Variants in CCAR1 observed in about 807,000 individuals in gnomAD.
CCAR1 encodes the protein cell division cycle and apoptosis regulator protein 1.
Under a neutral mutation model 163.8 loss-of-function variants are expected in CCAR1, and 78 were observed. That is an observed-to-expected ratio of 0.48 (90% CI 0.40 to 0.57). The LOEUF is 0.57. CCAR1 is among the 20% of genes least tolerant of loss of function. The pLI is 0.00. For synonymous variants in CCAR1, 443 were observed against 460.7 expected, an observed-to-expected ratio of 0.96 and a Z score of 0.49; for missense variants, 1,019 against 1,365.2, an observed-to-expected ratio of 0.75 and a Z score of 4.00.
At chr10:68,760,769 C>T (rs557871819) in intron 15 of CCAR1, 20 of 257,574 alleles carry the variant, frequency 7.8e-5, no homozygotes, top group African/African-American at 4.5e-4. Flanking sequence ...GGGGCTGAGA[C>T]AGGAGAATTG....
chr10:68,736,078 C>G (rs1589156820), intron 2 of CCAR1, among the ~76,000 whole-genome samples: 1 of 152,136 alleles, frequency 6.6e-6, no homozygotes, highest in Non-Finnish European at 1.5e-5. Context: ...GTCTCGAACT[C>G]TTGACCTCAG....
At chr10:68,783,000 C>CTT (rs34366966) in intron 19 of CCAR1, among the ~76,000 whole-genome samples, 5 of 92,424 alleles carry the variant, frequency 5.4e-5, no homozygotes, top group African/African-American at 2.1e-4. Context: ...TCACTTTACT[C>CTT]TTTTTTTTTT....
At chr10:68,778,643 A>G (rs979112417) in intron 19 of CCAR1, among the ~76,000 whole-genome samples, 1 of 152,178 alleles carries the variant, frequency 6.6e-6, no homozygotes, top group Non-Finnish European at 1.5e-5. Flanking sequence ...TGTAAGAAAA[A>G]GAGATTTTTA....
chr10:68,762,696 A>G (rs2133381008), intron 16 of CCAR1, among the ~76,000 whole-genome samples: 2 of 152,284 alleles, frequency 1.3e-5, no homozygotes, highest in Middle Eastern at 6.8e-3. Flanking sequence ...TTTGCTCTAA[A>G]TCTGATTGTG....
chr10:68,726,018 C>T (rs968586154), intron 2 of CCAR1, among the ~76,000 whole-genome samples: 1 of 149,112 alleles, frequency 6.7e-6, no homozygotes, highest in Non-Finnish European at 1.5e-5. Context: ...GAGGCTGAGG[C>T]GTGAAGATCG....
chr10:68,731,600 T>G lies in CCAR1; in HGVS notation c.74-5276T>G, dbSNP rs960807981. ...AAATTGTCTTGTTTCTGTTTTTTTT[T>G]TTTTTTTTTTTTTTTGGTAGAATCT... is the stretch of plus-strand genomic sequence containing the variant. On this transcript the variant is annotated intron_variant, in intron 2 of 24. Coordinates refer to ENST00000265872, the MANE Select transcript of CCAR1 (RefSeq NM_018237.4). 1.4e-4 allele frequency among the ~76,000 whole-genome samples: 21 copies of G among 145,404 alleles called. No individual in the cohort carries two copies. In the East Asian group the frequency reaches 3.8e-3, roughly 26 times the overall value.
At position 68,764,195 on chromosome 10, in the gene CCAR1, A is replaced by G. The variant is rs75971569; in HGVS notation, c.2107-1693A>G. 1.4e-3 allele frequency among the ~76,000 whole-genome samples: 214 copies of G among 152,222 alleles called. 1 individual carries two copies. The Middle Eastern group carries it at 0.027, about 19-fold the overall frequency. On this transcript the variant is annotated intron_variant, in intron 16 of 24. Coordinates refer to ENST00000265872, the MANE Select transcript of CCAR1 (RefSeq NM_018237.4). Reference sequence around the variant, plus strand: ...ACCCTATGCTATCTCTGCATGGATTATTGTCCTTGCTCCATCTGGGTTTCA... The same window carrying G: ...ACCCTATGCTATCTCTGCATGGATTGTTGTCCTTGCTCCATCTGGGTTTCA...
chr10:68,748,732 G>A (rs1589164956), intron 8 of CCAR1, among the ~76,000 whole-genome samples: 1 of 151,634 alleles, frequency 6.6e-6, no homozygotes, highest in African/African-American at 2.4e-5. Context: ...TCTTTTTTTG[G>A]AGACAAGGTA....
At chr10:68,754,161 G>A in intron 11 of CCAR1, 84 bp downstream of exon 11, 1 of 961,996 alleles carries the variant, frequency 1.0e-6, no homozygotes, top group Non-Finnish European at 1.6e-6. Flanking sequence ...CCTTCAGAAA[G>A]TGTTTGTTAG....
chr10:68,765,815 A>G (rs1039160687), intron 16 of CCAR1, 73 bp from the exon 17 acceptor site: 8 of 964,708 alleles, frequency 8.3e-6, no homozygotes, highest in African/African-American at 8.3e-5. Flanking sequence ...TATATTCAAT[A>G]TATATTCATC....
At position 68,756,215 on chromosome 10, in the gene CCAR1, G is replaced by A. The variant is rs1418655499; in HGVS notation, c.1626-58G>A. ...TACTTGATGTGCTACAAGTGAACTA[G>A]GGTCTTTAAAATGTATTTTAGAATT... On this transcript the variant is annotated intron_variant, in intron 13 of 24. Coordinates refer to ENST00000265872, the MANE Select transcript of CCAR1 (RefSeq NM_018237.4). The surrounding 1 kb of genome is among the most constrained non-coding windows in gnomAD (Gnocchi z 5.1). 2 of 1,385,444 alleles carry A rather than the reference G, an allele frequency of 1.4e-6. No homozygotes were observed. The highest frequency in any genetic ancestry group is 1.2e-5 in the South Asian group (1 of 82,094). 85.8% of individuals were successfully genotyped at this position (1,385,444 alleles called of 1,614,324 possible). A position where few individuals can be genotyped will look rare whatever the true frequency, so the allele number is the denominator to read the frequency against.
At chr10:68,752,882 GAATAGATA>G (rs2056349346) in intron 10 of CCAR1, among the ~76,000 whole-genome samples, 1 of 125,064 alleles carries the variant, frequency 8.0e-6, no homozygotes, top group Admixed American at 8.8e-5. Context: ...AGATAGGATA[GAATAGATA>G]GATAGATAGA....
chr10:68,727,551 C>T (rs1391760628), intron 2 of CCAR1, among the ~76,000 whole-genome samples: 4 of 152,132 alleles, frequency 2.6e-5, no homozygotes, highest in Admixed American at 2.6e-4. Context: ...AGTTCAGATT[C>T]TAGGATGGTA....
At chr10:68,743,386 G>A (rs1449697357) in intron 6 of CCAR1, among the ~76,000 whole-genome samples, 6 of 151,436 alleles carry the variant, frequency 4.0e-5, no homozygotes, top group African/African-American at 1.2e-4. Flanking sequence ...GGCTGGTCTC[G>A]AACTCCCGAC....
rs191973981 is a variant in CCAR1, at chr10:68,750,246, T to C, written c.1118+561T>C. 4.8e-5 allele frequency among the ~76,000 whole-genome samples: 7 copies of C among 144,852 alleles called. No homozygotes were observed. In the Admixed American group the frequency reaches 5.0e-4, roughly 10 times the overall value. On this transcript the variant is annotated intron_variant, in intron 10 of 24. Transcript: ENST00000265872. ...TTTTTTTTTTTTTGAGATAGGGTCT[T>C]ACTCTTTCACCCAGGTTGGAGTGCA...
rs764501065 is a variant in CCAR1, at chr10:68,742,405, C to G, written c.354C>G (p.Ser118Arg). 2 of 1,613,662 alleles carry G rather than the reference C, an allele frequency of 1.2e-6. No homozygotes were observed. The highest frequency in any genetic ancestry group is 2.2e-5 in the South Asian group (2 of 91,004). ...CTGTTGCACTGCCTACAAGCCTTAG[C>G]CTGTCTACTCCTCAGCCAACAGCAC... ...QPAVALPTSLSLSTPQPTAQI... is the reference protein window; with the variant it reads ...QPAVALPTSLRLSTPQPTAQI... Residue 118 changes from serine (S) to arginine (R), a missense_variant, in exon 6 of 25, where the codon AGC (serine) becomes AGG (arginine). Physicochemically the swap from Ser to Arg is moderately radical, Grantham distance 110 (BLOSUM62 -1). Transcript: ENST00000265872.
At chr10:68,740,983 G>T (rs750265250) in intron 5 of CCAR1, among the ~76,000 whole-genome samples, 2 of 151,106 alleles carry the variant, frequency 1.3e-5, no homozygotes, top group Non-Finnish European at 2.9e-5. Context: ...GCGCAGTCTC[G>T]GCTCACTGCA....
chr10:68,745,483 G>T (rs2056241054), intron 6 of CCAR1, among the ~76,000 whole-genome samples: 1 of 148,000 alleles, frequency 6.8e-6, no homozygotes, highest in Admixed American at 6.7e-5. Flanking sequence ...TTTTTTTGGA[G>T]ACCGAGTTTC....
intron 3 of CCAR1, 54 bp downstream of exon 3, chr10:68,737,102 G>A (rs1469376990): frequency 3.9e-6 from 5 of 1,278,046 alleles, no homozygotes; most frequent in Admixed American, 2.0e-5. Context: ...TGAAATCTGA[G>A]TAGCTAGCAT....
Sources: allele counts gnomAD v4.1 joint callset (sites outside exome capture counted in the v4.1 genomes callset), GRCh38; gene constraint gnomAD v4.1.1; non-coding constraint Gnocchi (gnomAD v3.1); transcripts MANE v1.5; gene names NCBI Gene and HGNC (gene_info 2026-07-23, HGNC 2026-07-21).